The following GSE1 variants were observed in gnomAD, a reference collection of about 807,000 sequenced individuals.
GSE1 encodes genetic suppressor element 1.
A neutral mutation model predicts 112.6 loss-of-function variants in GSE1; 32 were observed. The ratio of observed to expected loss-of-function variants is 0.28; its 90% confidence interval spans 0.21 to 0.38. The LOEUF (loss-of-function observed/expected upper bound fraction) is 0.38. Ranked by LOEUF, GSE1 falls within the 10% of genes least tolerant of loss-of-function variation. The pLI is 1.00. For missense variants in GSE1, 2,348 were observed against 1,699.2 expected (o/e 1.38, Z -6.71); for synonymous variants, 1,115 against 735.6 (o/e 1.52, Z -8.35).
intron 2 of GSE1, among the ~76,000 whole-genome samples, chr16:85,453,699 C>T (rs1445282660): frequency 6.6e-6 from 1 of 152,144 alleles, no homozygotes; most frequent in Non-Finnish European, 1.5e-5. Context: ...GGCGCCACTG[C>T]CTTTCCTGTG....
intron 1 of GSE1, among the ~76,000 whole-genome samples, chr16:85,286,654 G>C (rs2045035347): frequency 6.6e-6 from 1 of 152,160 alleles, no homozygotes. Context: ...TGGCGCTGCG[G>C]TTTACGCATC....
chr16:85,400,817 C>CTG (rs61563996), intron 2 of GSE1, among the ~76,000 whole-genome samples: 3 of 151,084 alleles, frequency 2.0e-5, no homozygotes, highest in African/African-American at 4.9e-5. Context: ...GATTTTGTGT[C>CTG]TGTGATTATG....
At chr16:85,171,120 C>T in exon 1 of GSE1, 2 of 985,690 alleles carry the variant, frequency 2.0e-6, no homozygotes, top group Non-Finnish European at 2.4e-6. Flanking sequence ...GTGAAGTCCG[C>T]AGCTGCCCCA....
At chr16:85,651,812 C>T (rs949492557) in intron 3 of GSE1, among the ~76,000 whole-genome samples, 3 of 152,314 alleles carry the variant, frequency 2.0e-5, no homozygotes, top group East Asian at 1.9e-4. Context: ...CCTGAGCAGG[C>T]GAGGCCCCTG....
chr16:85,568,342 AT>A (rs1361744086), intron 1 of GSE1, among the ~76,000 whole-genome samples: 1 of 152,172 alleles, frequency 6.6e-6, no homozygotes, highest in Admixed American at 6.5e-5. Flanking sequence ...GCGGCCCCCA[AT>A]TTCAGGTTCG....
At chr16:85,537,526 G>A (rs547754898) in intron 2 of GSE1, among the ~76,000 whole-genome samples, 12 of 152,324 alleles carry the variant, frequency 7.9e-5, no homozygotes, top group African/African-American at 2.4e-4. Flanking sequence ...GCCAGGGCTC[G>A]AGTTCTGGGC....
intron 1 of GSE1, among the ~76,000 whole-genome samples, chr16:85,328,688 G>A (rs2046275767): frequency 6.6e-6 from 1 of 152,230 alleles, no homozygotes. Context: ...GCAGGGAATT[G>A]GAGAGAGACA....
chr16:85,347,445 G>A (rs1382817668), intron 1 of GSE1, among the ~76,000 whole-genome samples: 1 of 152,188 alleles, frequency 6.6e-6, no homozygotes, highest in Non-Finnish European at 1.5e-5. Flanking sequence ...GCCTCAGCAA[G>A]CAGTGAGCTC....
chr16:85,472,418 C>G (rs921631890), intron 2 of GSE1, among the ~76,000 whole-genome samples: 2 of 152,198 alleles, frequency 1.3e-5, no homozygotes, highest in Admixed American at 6.5e-5. Flanking sequence ...CCTCCCGCGG[C>G]CTTCTTTCTG....
chr16:85,661,795 C>T (rs531100364), intron 9 of GSE1, 30 bp downstream of exon 9: 2 of 1,471,502 alleles, frequency 1.4e-6, no homozygotes, highest in South Asian at 1.4e-5. Flanking sequence ...CCGAGCTGCT[C>T]AGGGAGAGCC....
intron 2 of GSE1, among the ~76,000 whole-genome samples, chr16:85,362,192 G>A (rs1389616972): frequency 1.3e-5 from 2 of 152,228 alleles, no homozygotes; most frequent in East Asian, 1.9e-4. Flanking sequence ...GGGTGCAACC[G>A]AAACCTTGTG....
intron 1 of GSE1, among the ~76,000 whole-genome samples, chr16:85,221,501 G>A (rs1597832214): frequency 6.6e-6 from 1 of 152,028 alleles, no homozygotes; most frequent in African/African-American, 2.4e-5. Context: ...AGCAGGGTAC[G>A]CCACATCCCT....
At chr16:85,662,705 C>G in intron 9 of GSE1, 1 of 456,786 alleles carries the variant, frequency 2.2e-6, no homozygotes. Flanking sequence ...GAATGGTTCC[C>G]TGCCAGGGGG....
At chr16:85,502,167 C>A (rs1369632122) in intron 2 of GSE1, among the ~76,000 whole-genome samples, 2 of 152,140 alleles carry the variant, frequency 1.3e-5, no homozygotes, top group African/African-American at 4.8e-5. Context: ...ATGGAACTGC[C>A]CAGCTGAGCT....
intron 2 of GSE1, among the ~76,000 whole-genome samples, chr16:85,382,942 T>C (rs1272949253): frequency 5.4e-5 from 8 of 148,340 alleles, no homozygotes; most frequent in African/African-American, 1.3e-4. Context: ...ACACAACACG[T>C]ACACATGCAC....
chr16:85,470,279 T>C (rs980246254), intron 2 of GSE1, among the ~76,000 whole-genome samples: 29 of 152,136 alleles, frequency 1.9e-4, no homozygotes, highest in Admixed American at 1.9e-3. Flanking sequence ...GCGGGGGTCT[T>C]CCCACTGACT....
chr16:85,311,243 A>G lies in GSE1; in HGVS notation c.2284-46220A>G, dbSNP rs1463022618. On this transcript the variant is annotated intron_variant, in intron 1 of 2. Coordinates refer to the GSE1 transcript ENST00000637419. This position sits in a 1 kb window ranked among gnomAD's most constrained non-coding sequence, Gnocchi z 4.2. Reference sequence around the variant, plus strand: ...AATCCCATGGCACTGATGTGGGCACAAAGGGGCAGAGCCTAGCCACGGAGA... The same window carrying G: ...AATCCCATGGCACTGATGTGGGCACGAAGGGGCAGAGCCTAGCCACGGAGA... Among the ~76,000 whole-genome samples, 2 of 152,188 alleles carry G rather than the reference A, an allele frequency of 1.3e-5. No homozygotes were observed. Among genetic ancestry groups the G allele is most frequent in the Non-Finnish European group, 2.9e-5 (2 of 68,024 alleles).
At chr16:85,509,207 G>A (rs1052560121) in intron 2 of GSE1, among the ~76,000 whole-genome samples, 2 of 152,228 alleles carry the variant, frequency 1.3e-5, no homozygotes, top group African/African-American at 4.8e-5. Context: ...ATGTGTGGGT[G>A]CACGTGGACG....
intron 2 of GSE1, among the ~76,000 whole-genome samples, chr16:85,416,469 GT>G (rs1279797682): frequency 6.6e-6 from 1 of 152,158 alleles, no homozygotes; most frequent in Non-Finnish European, 1.5e-5. Context: ...CCACCGGGCG[GT>G]GCTTTCTGCC....
Sources: allele counts gnomAD v4.1 joint callset (sites outside exome capture counted in the v4.1 genomes callset), GRCh38; gene constraint gnomAD v4.1.1; non-coding constraint Gnocchi (gnomAD v3.1); transcripts MANE v1.5; gene names NCBI Gene and HGNC (gene_info 2026-07-23, HGNC 2026-07-21).